Variants in MIGA1 observed in about 807,000 individuals in gnomAD.
The protein encoded by MIGA1 is family with sequence similarity 73, member A.
MIGA1 carries 58 observed loss-of-function variants against 82.0 expected under a neutral mutation model. The observed-to-expected ratio is 0.71, with a 90% confidence interval of 0.57 to 0.88. The LOEUF (loss-of-function observed/expected upper bound fraction) is 0.88. MIGA1 is among the 40% of genes least tolerant of loss of function. The probability of loss-of-function intolerance (pLI) is 0.00; values close to 1 mark genes in which losing one functional copy is unlikely to be tolerated. For synonymous variants in MIGA1, 249 were observed against 253.6 expected (o/e 0.98, Z 0.17); for missense variants, 751 against 749.1 (o/e 1.00, Z -0.03).
At chr1:77,786,908 T>G (rs769536487) in intron 2 of MIGA1, among the ~76,000 whole-genome samples, 3 of 152,238 alleles carry the variant, frequency 2.0e-5, no homozygotes, top group African/African-American at 7.2e-5. Flanking sequence ...CCCACTCTAC[T>G]GGTACCAATT....
intron 2 of MIGA1, among the ~76,000 whole-genome samples, chr1:77,787,186 A>G (rs1005244121): frequency 6.6e-6 from 1 of 152,132 alleles, no homozygotes; most frequent in Non-Finnish European, 1.5e-5. Context: ...CCATGATTCA[A>G]TTACCTGCCA....
chr1:77,847,338 A>G, intron 8 of MIGA1: 1 of 943,892 alleles, frequency 1.1e-6, no homozygotes, highest in Admixed American at 1.7e-5. Context: ...ATATGACAGT[A>G]TTTATGATGA....
intron 7 of MIGA1, among the ~76,000 whole-genome samples, chr1:77,819,724 C>T (rs900935172): frequency 3.3e-5 from 5 of 152,154 alleles, no homozygotes; most frequent in African/African-American, 1.2e-4. Flanking sequence ...GCTGGGACTA[C>T]AGGCACTTGC....
At chr1:77,812,620 A>T (rs998857185) in intron 5 of MIGA1, among the ~76,000 whole-genome samples, 3 of 152,210 alleles carry the variant, frequency 2.0e-5, no homozygotes, top group Non-Finnish European at 4.4e-5. Flanking sequence ...GCTTTTAAAG[A>T]TCTTTTTCTT....
chr1:77,849,562 CAT>C (rs1317826308), intron 8 of MIGA1, among the ~76,000 whole-genome samples: 1 of 152,046 alleles, frequency 6.6e-6, no homozygotes, highest in African/African-American at 2.4e-5. Flanking sequence ...AAATGTGAAT[CAT>C]ACATCTTGTC....
intron 7 of MIGA1, among the ~76,000 whole-genome samples, chr1:77,829,739 G>T (rs1476383800): frequency 6.6e-6 from 1 of 152,132 alleles, no homozygotes; most frequent in African/African-American, 2.4e-5. Flanking sequence ...CCAAAGTCCT[G>T]AGATTACAGG....
rs1175661753 is a variant in MIGA1, at chr1:77,860,896, T to G, written c.1276-328T>G. 1.7e-5 allele frequency: 4 copies of G among 238,426 alleles called. No individual in the cohort carries two copies. The South Asian group carries it at 2.5e-4, about 15-fold the overall frequency. The allele number at this position is 238,426 out of a possible 1,614,324, so 14.8% of individuals were successfully genotyped here. On this transcript the variant is annotated intron_variant, in intron 11 of 15. Coordinates refer to ENST00000370791, the MANE Select transcript of MIGA1 (RefSeq NM_198549.4). ...ATAAACTCAGTGATTTGAACTAGGGTTCCTCCAAAAGAAGCAGAACTGCAA... is the reference window on the plus strand; with the variant it reads ...ATAAACTCAGTGATTTGAACTAGGGGTCCTCCAAAAGAAGCAGAACTGCAA...
intron 7 of MIGA1, among the ~76,000 whole-genome samples, chr1:77,828,043 G>A (rs963241755): frequency 1.3e-5 from 2 of 152,044 alleles, no homozygotes; most frequent in Non-Finnish European, 2.9e-5. Context: ...GGGCAACAGA[G>A]TGAGACTTTG....
intron 8 of MIGA1, among the ~76,000 whole-genome samples, chr1:77,858,344 C>CAAAA (rs762233339): frequency 3.9e-5 from 5 of 129,558 alleles, no homozygotes; most frequent in Non-Finnish European, 5.1e-5. Flanking sequence ...GACCCTGTCT[C>CAAAA]AAAAAAAAAA....
chr1:77,878,827 C>G lies in MIGA1; in HGVS notation c.*3763C>G. On this transcript the variant is annotated 3_prime_UTR_variant, in exon 16 of 16. Coordinates refer to ENST00000370791, the MANE Select transcript of MIGA1 (RefSeq NM_198549.4). ...AAAGAAGACAAGTTTTCCATACTGTCACAGTAAGCTCCAAAGAACTTTGTC... is the reference window on the plus strand; with the variant it reads ...AAAGAAGACAAGTTTTCCATACTGTGACAGTAAGCTCCAAAGAACTTTGTC... 1 of 382,918 alleles carries G rather than the reference C, an allele frequency of 2.6e-6. No individual in the cohort carries two copies. Among genetic ancestry groups the G allele is most frequent in the Non-Finnish European group, 4.6e-6 (1 of 215,230 alleles). The allele number at this position is 382,918 out of a possible 1,614,324, so 23.7% of individuals were successfully genotyped here. A position where few individuals can be genotyped will look rare whatever the true frequency, so the allele number is the denominator to read the frequency against.
chr1:77,810,819 A>G, intron 5 of MIGA1: 1 of 1,593,296 alleles, frequency 6.3e-7, no homozygotes, highest in South Asian at 1.1e-5. Context: ...GTTTCTACTG[A>G]GTGGTAAAAT....
chr1:77,788,388 C>T (rs1411709705), intron 2 of MIGA1, among the ~76,000 whole-genome samples: 1 of 152,178 alleles, frequency 6.6e-6, no homozygotes, highest in African/African-American at 2.4e-5. Context: ...ATCCACCCAC[C>T]TTGGCCTCCA....
chr1:77,866,681 A>T (rs1301870252), intron 14 of MIGA1, among the ~76,000 whole-genome samples: 5 of 138,834 alleles, frequency 3.6e-5, no homozygotes, highest in African/African-American at 1.4e-4. Flanking sequence ...TCTTAATGAT[A>T]TTAATTTTTT....
chr1:77,827,232 C>T (rs372807812), intron 7 of MIGA1, among the ~76,000 whole-genome samples: 26 of 152,246 alleles, frequency 1.7e-4, no homozygotes, highest in East Asian at 9.7e-4. Context: ...CCGACTACCA[C>T]GCCTGACCTA....
rs1365158565 is a variant in MIGA1, at chr1:77,870,969, G to A, written c.1564-2035G>A. Among the ~76,000 whole-genome samples the A allele has an allele frequency of 9.9e-5, 15 of 151,108 alleles. No homozygotes were observed. The East Asian group carries it at 3.0e-3, about 30-fold the overall frequency. On this transcript the variant is annotated intron_variant, in intron 14 of 15. Coordinates refer to ENST00000370791, the MANE Select transcript of MIGA1 (RefSeq NM_198549.4). ...GGCGTGGCGGTGCGCGCCTGCAGTC[G>A]CAGGCACTCGGCAGGCTGAGGCAGG... is the stretch of plus-strand genomic sequence containing the variant.
intron 7 of MIGA1, among the ~76,000 whole-genome samples, chr1:77,820,612 T>TTTG (rs955493986): frequency 6.6e-6 from 1 of 152,054 alleles, no homozygotes; most frequent in Non-Finnish European, 1.5e-5. Context: ...GGCTGTCGTT[T>TTTG]TTGTTGTTGT....
Position 77,878,976 on chromosome 1 carries a change from CTTAAA to C in MIGA1, c.*3915_*3919del. Reference sequence around the variant, plus strand: ...TTGCCTTAAAATGTAACATTTTCTACTTAAATTTAATTTCCAAGAGAGTGATTATT... The same window carrying C: ...TTGCCTTAAAATGTAACATTTTCTACTTTAATTTCCAAGAGAGTGATTATT... On this transcript the variant is annotated 3_prime_UTR_variant, in exon 16 of 16. Coordinates refer to ENST00000370791, the MANE Select transcript of MIGA1 (RefSeq NM_198549.4). The C allele has an allele frequency of 3.4e-6, 1 of 297,184 alleles. No homozygotes were observed. Among genetic ancestry groups the C allele is most frequent in the Non-Finnish European group, 6.2e-6 (1 of 162,274 alleles). The allele number at this position is 297,184 out of a possible 1,614,324, so 18.4% of individuals were successfully genotyped here.
chr1:77,870,966 G>C (rs78955842), intron 14 of MIGA1, among the ~76,000 whole-genome samples: 2 of 150,844 alleles, frequency 1.3e-5, no homozygotes, highest in Non-Finnish European at 3.0e-5. Flanking sequence ...CGCGCCTGCA[G>C]TCGCAGGCAC....
intron 7 of MIGA1, among the ~76,000 whole-genome samples, chr1:77,824,511 T>G (rs952581988): frequency 3.9e-5 from 6 of 152,172 alleles, no homozygotes; most frequent in Non-Finnish European, 7.3e-5. Flanking sequence ...TGAGTTACGA[T>G]TGGGCCATTG....
Sources: allele counts gnomAD v4.1 joint callset (sites outside exome capture counted in the v4.1 genomes callset), GRCh38; gene constraint gnomAD v4.1.1; transcripts MANE v1.5; gene names NCBI Gene and HGNC (gene_info 2026-07-23, HGNC 2026-07-21).